POU6F2: variants seen among roughly 807,000 people sequenced by gnomAD.
POU6F2 encodes POU class 6 homeobox 2, also known as POU domain, class 6, transcription factor 2.
Under a neutral mutation model 71.3 loss-of-function variants are expected in POU6F2, and 31 were observed. The observed-to-expected ratio is 0.43, with a 90% CI of 0.33 to 0.59. The LOEUF is 0.59. Ranked by LOEUF, POU6F2 falls within the 20% of genes least tolerant of loss-of-function variation. POU6F2 has a pLI of 0.04. For missense variants in POU6F2, 783 were observed against 856.8 expected, an observed-to-expected ratio of 0.91 and a Z score of 1.07; for synonymous variants, 347 against 355.7, an observed-to-expected ratio of 0.98 and a Z score of 0.27.
chr7:39,312,384 T>G (rs185115700), intron 4 of POU6F2, among the ~76,000 whole-genome samples: 1 of 152,312 alleles, frequency 6.6e-6, no homozygotes, highest in East Asian at 1.9e-4. Context: ...GGTCTCCAGC[T>G]TTTTCACAGA....
At chr7:39,427,185 G>T (rs904823329) in intron 6 of POU6F2, among the ~76,000 whole-genome samples, 2 of 152,174 alleles carry the variant, frequency 1.3e-5, no homozygotes, top group African/African-American at 4.8e-5. Flanking sequence ...AAACCACAGT[G>T]TTGAGTGCTT....
At chr7:39,347,304 T>G (rs576229337) in intron 5 of POU6F2, among the ~76,000 whole-genome samples, 1 of 152,290 alleles carries the variant, frequency 6.6e-6, no homozygotes, top group Non-Finnish European at 1.5e-5. Flanking sequence ...AATGTAAAAA[T>G]GCATGTGCAC....
chr7:39,382,952 A>G (rs1786860189), intron 5 of POU6F2, among the ~76,000 whole-genome samples: 1 of 152,208 alleles, frequency 6.6e-6, no homozygotes, highest in Non-Finnish European at 1.5e-5. Flanking sequence ...GGCACAAAAA[A>G]TTATTGGTGT....
chr7:39,363,544 G>T (rs1489591042), intron 5 of POU6F2, among the ~76,000 whole-genome samples: 2 of 151,110 alleles, frequency 1.3e-5, no homozygotes, highest in Non-Finnish European at 2.9e-5. Context: ...CAGAGGCCTG[G>T]ATAAGATTAC....
chr7:39,254,370 GA>G (rs1297459022), intron 4 of POU6F2, among the ~76,000 whole-genome samples: 5 of 152,200 alleles, frequency 3.3e-5, no homozygotes, highest in Non-Finnish European at 5.9e-5. Context: ...AAGGTTTGTA[GA>G]ATGGGCCCAC....
chr7:39,386,882 G>A (rs2115817037), intron 5 of POU6F2, among the ~76,000 whole-genome samples: 1 of 152,328 alleles, frequency 6.6e-6, no homozygotes, highest in South Asian at 2.1e-4. Context: ...GTTAGGAGAT[G>A]ATGGTAATAG....
At chr7:39,233,557 C>A (rs1794616731) in intron 4 of POU6F2, among the ~76,000 whole-genome samples, 1 of 152,160 alleles carries the variant, frequency 6.6e-6, no homozygotes, top group African/African-American at 2.4e-5. Context: ...TAGGAGGAAT[C>A]CTGTCCGGAG....
intron 4 of POU6F2, among the ~76,000 whole-genome samples, chr7:39,223,231 A>G (rs186585295): frequency 1.3e-5 from 2 of 152,316 alleles, no homozygotes; most frequent in East Asian, 3.9e-4. Flanking sequence ...TATGATATCA[A>G]ATATTAAAAT....
At chr7:39,307,176 A>T (rs937322805) in intron 4 of POU6F2, among the ~76,000 whole-genome samples, 3 of 152,192 alleles carry the variant, frequency 2.0e-5, no homozygotes, top group Non-Finnish European at 4.4e-5. Flanking sequence ...ACCACCTCTT[A>T]AAACATCTTT....
At chr7:39,289,241 G>C (rs1031012456) in intron 4 of POU6F2, among the ~76,000 whole-genome samples, 1 of 152,122 alleles carries the variant, frequency 6.6e-6, no homozygotes, top group East Asian at 1.9e-4. Context: ...ACATACAGGG[G>C]GCCACTCCAG....
chr7:39,105,304 AAAAC>A (rs1483981903), intron 2 of POU6F2, among the ~76,000 whole-genome samples: 5 of 152,342 alleles, frequency 3.3e-5, no homozygotes, highest in South Asian at 2.1e-4. Context: ...TAGGCTGAGA[AAAAC>A]AAGTTGGTGT....
intron 2 of POU6F2, among the ~76,000 whole-genome samples, chr7:39,095,223 A>G (rs1295190336): frequency 6.6e-6 from 1 of 152,178 alleles, no homozygotes; most frequent in Non-Finnish European, 1.5e-5. Context: ...AGATGAAGGC[A>G]GGTTTTAGTC....
chr7:38,989,015 T>C (rs999294147), intron 1 of POU6F2, among the ~76,000 whole-genome samples: 1 of 152,126 alleles, frequency 6.6e-6, no homozygotes, highest in African/African-American at 2.4e-5. Context: ...AATGGTGTCC[T>C]GGAAGATGAT....
At chr7:39,341,720 A>G (rs1785921307) in intron 5 of POU6F2, among the ~76,000 whole-genome samples, 1 of 152,192 alleles carries the variant, frequency 6.6e-6, no homozygotes, top group Non-Finnish European at 1.5e-5. Flanking sequence ...GATATAGTCC[A>G]GTATTCCTTC....
rs149351649 is a variant in POU6F2, at chr7:39,445,494, C to A, written c.1321-6039C>A. Among the ~76,000 whole-genome samples, 13 of 152,294 alleles carry A rather than the reference C, an allele frequency of 8.5e-5. No individual in the cohort carries two copies. In the East Asian group the frequency reaches 2.5e-3, roughly 29 times the overall value. On this transcript the variant is annotated intron_variant, in intron 7 of 9. Coordinates refer to ENST00000518318, the MANE Select transcript of POU6F2 (RefSeq NM_001370959.1). ...TGGCCTAGAACCTCTTCCCACCTTCCGTGTCTGGCAAGCTCCTGCTCATCC... is the reference window on the plus strand; with the variant it reads ...TGGCCTAGAACCTCTTCCCACCTTCAGTGTCTGGCAAGCTCCTGCTCATCC...
intron 4 of POU6F2, among the ~76,000 whole-genome samples, chr7:39,225,393 A>C (rs1228842693): frequency 6.6e-6 from 1 of 152,190 alleles, no homozygotes; most frequent in Non-Finnish European, 1.5e-5. Context: ...TGTTTTAATC[A>C]GGCTATGTTG....
At chr7:39,439,815 G>C (rs1428710848) in intron 7 of POU6F2, among the ~76,000 whole-genome samples, 1 of 152,104 alleles carries the variant, frequency 6.6e-6, no homozygotes, top group Non-Finnish European at 1.5e-5. Context: ...GCAGTGGCTG[G>C]TACCAGTTTT....
intron 4 of POU6F2, among the ~76,000 whole-genome samples, chr7:39,334,399 A>C (rs1168075806): frequency 1.3e-5 from 2 of 152,156 alleles, no homozygotes; most frequent in Non-Finnish European, 2.9e-5. Flanking sequence ...TCTGGAGTAC[A>C]ATGTTCAATA....
At chr7:39,300,474 T>C (rs1784931617) in intron 4 of POU6F2, among the ~76,000 whole-genome samples, 2 of 152,206 alleles carry the variant, frequency 1.3e-5, no homozygotes, top group Admixed American at 6.5e-5. Flanking sequence ...AGCCACCCTC[T>C]TCAGCCCTCA....
Sources: gnomAD v4.1 joint callset for allele counts (sites outside exome capture counted in the v4.1 genomes callset) on GRCh38, gnomAD v4.1.1 for gene constraint, MANE v1.5 for transcripts, NCBI Gene and HGNC (gene_info 2026-07-23, HGNC 2026-07-21) for gene names.